The following KPTN variants were observed in gnomAD, a reference collection of about 807,000 sequenced individuals.
KPTN encodes KICSTOR complex protein kaptin.
A neutral mutation model predicts 52.6 loss-of-function variants in KPTN; 36 were observed. That is an observed-to-expected ratio of 0.68 (90% confidence interval 0.52 to 0.90). KPTN has a LOEUF of 0.90. Among genes scored for constraint, KPTN ranks in the 40% least tolerant of loss-of-function variants. The pLI is 0.00. For missense variants in KPTN, 529 were observed against 576.2 expected, an observed-to-expected ratio of 0.92 and a Z score of 0.84; for synonymous variants, 271 against 248.4, an observed-to-expected ratio of 1.09 and a Z score of -0.85.
intron 9 of KPTN, among the ~76,000 whole-genome samples, chr19:47,477,431 C>T (rs920291832): frequency 2.0e-5 from 3 of 152,162 alleles, no homozygotes; most frequent in Non-Finnish European, 4.4e-5. Context: ...CCTGGGCTTT[C>T]CTCGTGCATA....
At chr19:47,476,990 C>T in intron 9 of KPTN, 52 bp from the exon 10 acceptor site, 1 of 1,532,316 alleles carries the variant, frequency 6.5e-7, no homozygotes, top group South Asian at 1.2e-5. Context: ...CAGTGCCCAG[C>T]ACCCTTGGCG....
chr19:47,484,373 C>T (rs1470376706), upstream of KPTN: 16 of 602,306 alleles, frequency 2.7e-5, no homozygotes, highest in Non-Finnish European at 4.4e-5. Context: ...GCGCTCTCTT[C>T]TCCTTTCCAT....
rs769464135 is a variant in KPTN, at chr19:47,476,643, C to T, written c.1071G>A (p.Leu357=). The T allele has an allele frequency of 6.2e-7, 1 of 1,613,056 alleles. No individual in the cohort carries two copies. Among genetic ancestry groups the T allele is most frequent in the Non-Finnish European group, 8.5e-7 (1 of 1,179,824 alleles). ...GGGGACTGGAGAAGCTCCGCTGCCA[C>T]AGCAGATGGAACCCGTGCTGGGCCT... ...LPEAQHGFHL[L]WQRSFSSPLL... The change falls in exon 11 of 12, where the codon CTG becomes CTA. Residue 357 remains leucine, a synonymous_variant. Transcript: ENST00000338134.
chr19:47,476,813 G>C lies in KPTN; in HGVS notation c.989C>G (p.Thr330Ser), dbSNP rs538071639. 1 of 1,588,106 alleles carries C rather than the reference G, an allele frequency of 6.3e-7. No individual in the cohort carries two copies. The highest frequency in any genetic ancestry group is 8.6e-7 in the Non-Finnish European group (1 of 1,167,178). The change falls in exon 10 of 12, where the codon ACC (threonine) becomes AGC (serine). Residue 330 changes from threonine (T) to serine (S), a missense_variant. By Grantham distance (58) the Thr-to-Ser change is moderately conservative. Coordinates refer to ENST00000338134, the MANE Select transcript of KPTN (RefSeq NM_007059.4). ...LDGRPEVLVA[T>S]YGQELLCYKY... ...ACTGTCAGGTCCCACCTGTCCATAG[G>C]TGGCCACCAGGACTTCTGGCCGCCC...
At chr19:47,479,137 G>A (rs1387550252) in intron 8 of KPTN, among the ~76,000 whole-genome samples, 1 of 152,150 alleles carries the variant, frequency 6.6e-6, no homozygotes, top group Non-Finnish European at 1.5e-5. Flanking sequence ...CCACATCCTG[G>A]GTTCAATCGA....
chr19:47,482,332 T>TA lies in KPTN; in HGVS notation c.449+828dup, dbSNP rs554095788. 2.6e-3 allele frequency among the ~76,000 whole-genome samples: 394 copies of TA among 151,946 alleles called. 2 individuals carry two copies. Among genetic ancestry groups the TA allele is most frequent in the African/African-American group, 9.0e-3 (372 of 41,466 alleles). On this transcript the variant is annotated intron_variant, in intron 4 of 11. Coordinates refer to ENST00000338134, the MANE Select transcript of KPTN (RefSeq NM_007059.4). ...GGCAAAAACCTATCTATACTAAAAA[T>TA]ACAAAAATTAGCCGGGCATGGTGGT...
chr19:47,479,401 T>C (rs558973905), intron 8 of KPTN, among the ~76,000 whole-genome samples: 1 of 152,132 alleles, frequency 6.6e-6, no homozygotes, highest in African/African-American at 2.4e-5. Flanking sequence ...GATCAACATA[T>C]TGGGGGAAAA....
At chr19:47,479,981 G>A (rs1287049958) in intron 7 of KPTN, 41 bp from the exon 8 acceptor site, 2 of 1,114,082 alleles carry the variant, frequency 1.8e-6, no homozygotes, top group Admixed American at 2.8e-5. Flanking sequence ...ACCCCACCCC[G>A]GTCCCGCCCG....
At chr19:47,484,788 T>C (rs892713009), upstream of KPTN, among the ~76,000 whole-genome samples, 1 of 147,614 alleles carries the variant, frequency 6.8e-6, no homozygotes, top group Non-Finnish European at 1.5e-5. Flanking sequence ...CACTGCAACC[T>C]CTGCCTCCTG....
At chr19:47,476,435 C>T in intron 11 of KPTN, 97 bp downstream of exon 11, 1 of 1,036,992 alleles carries the variant, frequency 9.6e-7, no homozygotes, top group South Asian at 1.7e-5. Flanking sequence ...GAACTGCCTC[C>T]CTGAAATGAG....
At chr19:47,480,575 C>G (rs1350337516) in intron 6 of KPTN, 168 bp from the exon 7 acceptor site, 2 of 746,828 alleles carry the variant, frequency 2.7e-6, no homozygotes, top group Admixed American at 2.3e-5. Context: ...TCTCACCACC[C>G]GAGGGCTGAG....
chr19:47,476,888 T>G lies in KPTN; in HGVS notation c.914A>C (p.Asp305Ala). 1.3e-6 allele frequency: 2 copies of G among 1,563,724 alleles called. No individual in the cohort carries two copies. Among genetic ancestry groups the G allele is most frequent in the Admixed American group, 3.8e-5 (2 of 52,362 alleles). The change falls in exon 10 of 12, where the codon GAC (aspartate) becomes GCC (alanine). Residue 305 changes from aspartate (D) to alanine (A), a missense_variant. Asp to Ala is a moderately radical substitution (Grantham distance 126, BLOSUM62 -2). Coordinates refer to ENST00000338134, the MANE Select transcript of KPTN (RefSeq NM_007059.4). ...GCTGCAGAGGACGCTGTCAAACTGGTCACTGCCGGGCAGGAGAAGCTGGTC... is the reference window on the plus strand; with the variant it reads ...GCTGCAGAGGACGCTGTCAAACTGGGCACTGCCGGGCAGGAGAAGCTGGTC... ...LEDQLLLPGS[D>A]QFDSVLCSLV...
rs1209572816 is a variant in KPTN, at chr19:47,481,049, T to G, written c.450-16A>C. The G allele has an allele frequency of 2.6e-6, 4 of 1,565,578 alleles. No individual in the cohort carries two copies. In the African/African-American group the frequency reaches 5.4e-5, roughly 21 times the overall value. On this transcript the variant is annotated splice_polypyrimidine_tract_variant and intron_variant, in intron 4 of 11. Transcript: ENST00000338134. ...GACCTGGACCCTGAAAGCAGAGAAA[T>G]CTAGAACCCAAGGTAGTGGAATCCA...
chr19:47,479,886 A>G lies in KPTN; in HGVS notation c.764T>C (p.Val255Ala). 6.2e-7 allele frequency: 1 copy of G among 1,613,282 alleles called. No homozygotes were observed. The highest frequency in any genetic ancestry group is 8.5e-7 in the Non-Finnish European group (1 of 1,179,710). ...ACCCTTGGCGGCCGAGAGGCTGAACACAATCACTCGGGAGATGGGACCGTC... is the reference window on the plus strand; with the variant it reads ...ACCCTTGGCGGCCGAGAGGCTGAACGCAATCACTCGGGAGATGGGACCGTC... ...LQDGPISRVIVFSLSAAKETK... is the reference protein window; with the variant it reads ...LQDGPISRVIAFSLSAAKETK... Residue 255 changes from valine to alanine, a missense_variant, in exon 8 of 12, where the codon GTG (valine) becomes GCG (alanine). Coordinates refer to ENST00000338134, the MANE Select transcript of KPTN (RefSeq NM_007059.4).
chr19:47,476,499 C>T lies in KPTN; in HGVS notation c.1182+33G>A, dbSNP rs374846286. ...ACCCCCTGCTCGAAACTGCTGAGGT[C>T]GACTCCCCTCCCACCCCAAGAGCTG... On this transcript the variant is annotated intron_variant, in intron 11 of 11. Transcript: ENST00000338134. The T allele has an allele frequency of 9.1e-5, 141 of 1,553,664 alleles. No individual in the cohort carries two copies. The African/African-American group carries it at 1.5e-3, about 17-fold the overall frequency.
In KPTN at chr19:47,483,541, G is replaced by A; in HGVS notation, c.270C>T (p.Pro90=). 1 of 1,578,190 alleles carries A rather than the reference G, an allele frequency of 6.3e-7. No individual in the cohort carries two copies. Among genetic ancestry groups the A allele is most frequent in the Non-Finnish European group, 8.6e-7 (1 of 1,161,418 alleles). Residue 90 remains proline, a synonymous_variant, in exon 2 of 12, where the codon CCC becomes CCT. Transcript: ENST00000338134. ...IVSIDTFNKS[P]PKRGLVVGIT... is the part of the protein sequence containing the mutation. ...TCCCCACAACCAGACCCCGCTTGGG[G>A]GGTGACTTGTTGAAAGTGTCGATGG... is the stretch of plus-strand genomic sequence containing the variant.
In KPTN at chr19:47,483,995, G is replaced by C. The variant is rs751814892; in HGVS notation, c.166C>G (p.Gln56Glu). 1 of 1,613,398 alleles carries C rather than the reference G, an allele frequency of 6.2e-7. No homozygotes were observed. Among genetic ancestry groups the C allele is most frequent in the African/African-American group, 1.3e-5 (1 of 74,892 alleles). Residue 56 changes from glutamine to glutamate, a missense_variant, in exon 1 of 12, where the codon CAA (glutamine) becomes GAA (glutamate). Coordinates refer to ENST00000338134, the MANE Select transcript of KPTN (RefSeq NM_007059.4). Reference protein sequence around the residue: ...LKGKVLGFRYQDLRQKIRPVA... With the variant: ...LKGKVLGFRYEDLRQKIRPVA... ...GGCCGGATTTTCTGTCGGAGGTCTT[G>C]GTAGCGGAAGCCGAGCACCTTGCCT...
intron 8 of KPTN, 140 bp from the exon 9 acceptor site, chr19:47,477,921 A>G (rs1967730554): frequency 8.8e-6 from 5 of 567,006 alleles, no homozygotes; most frequent in Non-Finnish European, 1.6e-5. Context: ...TTAGCCGGGC[A>G]TGGTGGCGGG....
rs1967692954 is a variant in KPTN, at chr19:47,476,939, C to T, written c.864-1G>A. On this transcript the variant is annotated splice_acceptor_variant, in intron 9 of 11. Transcript: ENST00000338134. LOFTEE classifies it high-confidence loss of function. ...TTCAAGACCCCGGTTCAGCAGGTCC[C>T]TGAGGGTCCCAAATACAGCATATAG... 6.4e-7 allele frequency: 1 copy of T among 1,554,840 alleles called. No homozygotes were observed. Among genetic ancestry groups the T allele is most frequent in the African/African-American group, 1.4e-5 (1 of 73,348 alleles).
Sources: allele counts gnomAD v4.1 joint callset (sites outside exome capture counted in the v4.1 genomes callset), GRCh38; gene constraint gnomAD v4.1.1; transcripts MANE v1.5; gene names NCBI Gene and HGNC (gene_info 2026-07-23, HGNC 2026-07-21).